The following MAST2 variants were observed in gnomAD, a reference collection of about 807,000 sequenced individuals.
MAST2 encodes microtubule associated serine/threonine kinase 2.
In MAST2, 70 loss-of-function variants were observed where a neutral mutation model predicts 147.4. The ratio of observed to expected loss-of-function variants is 0.47; its 90% CI spans 0.39 to 0.58. The LOEUF (loss-of-function observed/expected upper bound fraction) is 0.58. Ranked by LOEUF, MAST2 falls within the 20% of genes least tolerant of loss-of-function variation. The pLI is 0.00. For missense variants in MAST2, 2,080 were observed against 2,302.3 expected (o/e 0.90, Z 1.98); for synonymous variants, 869 against 896.8 (o/e 0.97, Z 0.55).
At chr1:45,907,834 C>T (rs1242604552) in intron 4 of MAST2, among the ~76,000 whole-genome samples, 1 of 152,120 alleles carries the variant, frequency 6.6e-6, no homozygotes, top group African/African-American at 2.4e-5. Context: ...TCATTTGTGT[C>T]TGGCTTATGT....
chr1:45,929,428 A>G (rs1483610523), intron 4 of MAST2, among the ~76,000 whole-genome samples: 1 of 152,180 alleles, frequency 6.6e-6, no homozygotes, highest in Non-Finnish European at 1.5e-5. Context: ...TTTGCCATTT[A>G]CATAGCTAAC....
intron 4 of MAST2, among the ~76,000 whole-genome samples, chr1:45,947,550 CAGAG>C (rs1251234265): frequency 1.3e-5 from 2 of 152,026 alleles, no homozygotes; most frequent in African/African-American, 4.8e-5. Context: ...GGACCCAAAT[CAGAG>C]AGAGAAAACA....
intron 3 of MAST2, among the ~76,000 whole-genome samples, chr1:45,862,200 G>T (rs1646002920): frequency 6.6e-6 from 1 of 152,176 alleles, no homozygotes; most frequent in African/African-American, 2.4e-5. Context: ...ACACTACTCT[G>T]TGAGAGATAC....
At chr1:46,030,301 CA>C in intron 21 of MAST2, 63 bp downstream of exon 21, 1 of 1,494,502 alleles carries the variant, frequency 6.7e-7, no homozygotes, top group Non-Finnish European at 9.2e-7. Flanking sequence ...GAGGGCCTGT[CA>C]AAGGGCACAC....
At chr1:45,851,936 A>G (rs1259546139) in intron 3 of MAST2, among the ~76,000 whole-genome samples, 2 of 152,156 alleles carry the variant, frequency 1.3e-5, no homozygotes, top group African/African-American at 4.8e-5. Context: ...TAAAATGAAA[A>G]TATAGGAATT....
chr1:45,860,820 G>A (rs1054210902), intron 3 of MAST2, among the ~76,000 whole-genome samples: 4 of 151,684 alleles, frequency 2.6e-5, no homozygotes, highest in East Asian at 3.9e-4. Flanking sequence ...CGACAAGAGC[G>A]AAACTCCGTC....
intron 3 of MAST2, among the ~76,000 whole-genome samples, chr1:45,837,834 C>T (rs970412602): frequency 3.3e-5 from 5 of 152,030 alleles, no homozygotes; most frequent in African/African-American, 4.8e-5. Context: ...GCTAAAGTGC[C>T]GTGGCACAAT....
chr1:45,849,934 T>C (rs1011665359), intron 3 of MAST2, among the ~76,000 whole-genome samples: 2 of 152,204 alleles, frequency 1.3e-5, no homozygotes, highest in Non-Finnish European at 2.9e-5. Flanking sequence ...GTCTTTTTGG[T>C]AGAATGATTT....
At chr1:45,871,857 A>G (rs1646406152) in intron 3 of MAST2, among the ~76,000 whole-genome samples, 1 of 152,132 alleles carries the variant, frequency 6.6e-6, no homozygotes, top group African/African-American at 2.4e-5. Flanking sequence ...ATATCAAGAG[A>G]CATATAATAT....
In MAST2 at chr1:46,031,130, G is replaced by T. The variant is rs748927962; in HGVS notation, c.2832G>T (p.Glu944Asp). 1 of 1,610,790 alleles carries T rather than the reference G, an allele frequency of 6.2e-7. No individual in the cohort carries two copies. Among genetic ancestry groups the T allele is most frequent in the Non-Finnish European group, 8.5e-7 (1 of 1,177,778 alleles). ...CGCCTCGGTTCCCGGAGGGCCCTGA[G>T]GAGGCCAGCAGCACCCTCAGGAGGC... ...LDAPRFPEGP[E>D]EASSTLRRQP... The change falls in exon 23 of 29, where the codon GAG becomes GAT. Residue 944 changes from glutamate (E) to aspartate (D), a missense_variant. This residue lies in a region of MAST2 where 1,278 missense variants were observed against 1,304.2 expected (regional missense o/e 0.98). Transcript: ENST00000361297. The surrounding 1 kb of genome is among the most constrained non-coding windows in gnomAD (Gnocchi z 4.1).
At chr1:45,916,890 C>A (rs1652624467) in intron 4 of MAST2, among the ~76,000 whole-genome samples, 1 of 152,132 alleles carries the variant, frequency 6.6e-6, no homozygotes, top group African/African-American at 2.4e-5. Context: ...ACCAGACTGA[C>A]CAACATGATG....
chr1:46,021,266 C>T (rs962134308), intron 11 of MAST2, among the ~76,000 whole-genome samples: 4 of 152,348 alleles, frequency 2.6e-5, no homozygotes, highest in Admixed American at 2.6e-4. Context: ...AGAGCCTCTC[C>T]CTCAGGAACA....
chr1:45,815,069 C>T (rs1341912622), intron 1 of MAST2, among the ~76,000 whole-genome samples: 1 of 152,094 alleles, frequency 6.6e-6, no homozygotes, highest in African/African-American at 2.4e-5. Flanking sequence ...AAGAGTGAAC[C>T]TGAGTAGTAG....
At chr1:45,868,179 T>G (rs1646237694) in intron 3 of MAST2, among the ~76,000 whole-genome samples, 2 of 152,198 alleles carry the variant, frequency 1.3e-5, no homozygotes, top group Admixed American at 6.5e-5. Flanking sequence ...AAAAATTGGC[T>G]TTCATCTTAC....
intron 6 of MAST2, 36 bp downstream of exon 6, chr1:45,997,835 A>G (rs368830526): frequency 6.5e-7 from 1 of 1,544,596 alleles, no homozygotes; most frequent in South Asian, 1.1e-5. Context: ...GGACCAGCAC[A>G]TGTGGCACTT....
At chr1:45,965,134 T>C (rs1660986604) in intron 5 of MAST2, among the ~76,000 whole-genome samples, 1 of 152,198 alleles carries the variant, frequency 6.6e-6, no homozygotes. Context: ...GTGCTTTACT[T>C]CCAACTATGT....
chr1:45,958,240 G>A (rs958895384), intron 4 of MAST2, among the ~76,000 whole-genome samples: 3 of 152,026 alleles, frequency 2.0e-5, no homozygotes, highest in Non-Finnish European at 4.4e-5. Flanking sequence ...GCCCTACAGA[G>A]TCTGGCTGTG....
At position 46,031,316 on chromosome 1, in the gene MAST2, A is replaced by T; in HGVS notation, c.2992+26A>T. 1 of 1,548,656 alleles carries T rather than the reference A, an allele frequency of 6.5e-7. No individual in the cohort carries two copies. The highest frequency in any genetic ancestry group is 1.2e-5 in the South Asian group (1 of 81,522). On this transcript the variant is annotated intron_variant, in intron 23 of 28. Transcript: ENST00000361297. This position sits in a 1 kb window ranked among gnomAD's most constrained non-coding sequence, Gnocchi z 4.1. ...GTATGGCCCAGTGGGCGGCCAAACGACCTAAGCTGGAGGATACTGCAGGGC... is the reference window on the plus strand; with the variant it reads ...GTATGGCCCAGTGGGCGGCCAAACGTCCTAAGCTGGAGGATACTGCAGGGC...
chr1:45,868,361 T>C (rs1337932303), intron 3 of MAST2, among the ~76,000 whole-genome samples: 3 of 152,246 alleles, frequency 2.0e-5, no homozygotes, highest in African/African-American at 7.2e-5. Flanking sequence ...TTATCAACTC[T>C]CTTAGTGCCA....
Sources: allele counts gnomAD v4.1 joint callset (sites outside exome capture counted in the v4.1 genomes callset), GRCh38; gene constraint gnomAD v4.1.1; regional missense constraint gnomAD v4.1.1; non-coding constraint Gnocchi (gnomAD v3.1); transcripts MANE v1.5; gene names NCBI Gene and HGNC (gene_info 2026-07-23, HGNC 2026-07-21).